Variants in MTDH observed in about 807,000 individuals in gnomAD.
The protein encoded by MTDH is protein LYRIC.
MTDH carries 34 observed loss-of-function variants against 72.7 expected under a neutral mutation model. The observed-to-expected ratio is 0.47, with a 90% CI of 0.36 to 0.62. MTDH has a LOEUF of 0.62. MTDH is among the 20% of genes least tolerant of loss of function. The probability of loss-of-function intolerance (pLI) is 0.00; values close to 1 mark genes in which losing one functional copy is unlikely to be tolerated. For missense variants in MTDH, 677 were observed against 699.4 expected, an observed-to-expected ratio of 0.97 and a Z score of 0.36; for synonymous variants, 266 against 268.9, an observed-to-expected ratio of 0.99 and a Z score of 0.10.
chr8:97,669,336 C>T (rs765211675), intron 2 of MTDH, among the ~76,000 whole-genome samples: 1 of 151,236 alleles, frequency 6.6e-6, no homozygotes, highest in African/African-American at 2.4e-5. Context: ...TTAATAGAGA[C>T]GGGGTTTCAC....
intron 8 of MTDH, 25 bp downstream of exon 8, chr8:97,706,775 TTTATTTGTTAA>T: frequency 6.2e-7 from 1 of 1,603,160 alleles, no homozygotes; most frequent in Non-Finnish European, 8.5e-7. Context: ...TTCCTGGGTG[TTTATTTGTTAA>T]TGAAAGAGAC....
At chr8:97,706,424 T>C (rs1452972650) in intron 7 of MTDH, 1 of 331,074 alleles carries the variant, frequency 3.0e-6, no homozygotes, top group African/African-American at 2.1e-5. Context: ...AGAAATTCCA[T>C]TTAACCATAT....
In MTDH at chr8:97,669,301, C is replaced by T. The variant is rs191108056; in HGVS notation, c.483+8128C>T. Among the ~76,000 whole-genome samples, 27 of 152,064 alleles carry T rather than the reference C, an allele frequency of 1.8e-4. No individual in the cohort carries two copies. The East Asian group carries it at 5.3e-3, about 30-fold the overall frequency. On this transcript the variant is annotated intron_variant, in intron 2 of 11. Coordinates refer to ENST00000336273, the MANE Select transcript of MTDH (RefSeq NM_178812.4). ...AGTAGCTGGGATTACAGGCACCTGC[C>T]ACCACACCCAACTAATTTTTGTATT...
chr8:97,728,210 A>G lies in MTDH; in HGVS notation c.*3540A>G, dbSNP rs1815429797. On this transcript the variant is annotated 3_prime_UTR_variant, in exon 12 of 12. Coordinates refer to ENST00000336273, the MANE Select transcript of MTDH (RefSeq NM_178812.4). The stretch of plus-strand genomic sequence containing the variant: ...TTTCCAAAAGACTTAGGGAATGCAA[A>G]TATGTTACTCATAAGATGCATTGAG... 6.6e-6 allele frequency: 1 copy of G among 152,214 alleles called. No homozygotes were observed. The highest frequency in any genetic ancestry group is 2.4e-5 in the African/African-American group (1 of 41,456). 9.4% of individuals were successfully genotyped at this position (152,214 alleles called of 1,614,324 possible).
Position 97,650,261 on chromosome 8 carries a change from C to A in MTDH, c.381+5374C>A, listed in dbSNP as rs565295121. ...ATGAGCCACCAGGCCCGGCCAGTTTCTTTTCTTATTTTTATTTTTAAATTT... is the reference window on the plus strand; with the variant it reads ...ATGAGCCACCAGGCCCGGCCAGTTTATTTTCTTATTTTTATTTTTAAATTT... On this transcript the variant is annotated intron_variant, in intron 1 of 11. Transcript: ENST00000336273. 2.4e-4 allele frequency among the ~76,000 whole-genome samples: 36 copies of A among 151,818 alleles called. 1 individual carries two copies. In the South Asian group the frequency reaches 7.5e-3, roughly 32 times the overall value.
rs924580398 is a variant in MTDH, at chr8:97,700,328, TA to T, written c.1147+488del. On this transcript the variant is annotated intron_variant, in intron 7 of 11. Transcript: ENST00000336273. ...TCGGAAAGCTCATGCCGTCTTCATTTAAAAAAAAAAAATTATGAGTTTTTTT... is the reference window on the plus strand; with the variant it reads ...TCGGAAAGCTCATGCCGTCTTCATTTAAAAAAAAAAATTATGAGTTTTTTT... Among the ~76,000 whole-genome samples the T allele has an allele frequency of 8.9e-3, 1,314 of 147,604 alleles. 25 individuals are homozygous for T. The highest frequency in any genetic ancestry group is 0.028 in the African/African-American group (1,138 of 40,624).
At chr8:97,652,178 C>CT (rs1811799267) in intron 1 of MTDH, among the ~76,000 whole-genome samples, 4 of 152,172 alleles carry the variant, frequency 2.6e-5, no homozygotes, top group African/African-American at 7.2e-5. Context: ...AAAACCAACA[C>CT]TTAGTAGCTT....
rs1442970336 is a variant in MTDH at position 97,691,040 on chromosome 8, TGAG to T, written c.904_906del (p.Glu302del). Reference sequence around the variant, plus strand: ...AACTCTCCTCACAGATCAGTGCAGGTGAGGAGAAGTGGAACTCCGTTTCACCTG... The same window carrying T: ...AACTCTCCTCACAGATCAGTGCAGGTGAGAAGTGGAACTCCGTTTCACCTG... On this transcript the variant is annotated inframe_deletion, in exon 6 of 12. Coordinates refer to ENST00000336273, the MANE Select transcript of MTDH (RefSeq NM_178812.4). 1.2e-6 allele frequency: 2 copies of T among 1,614,054 alleles called. No individual in the cohort carries two copies. The highest frequency in any genetic ancestry group is 1.7e-5 in the Admixed American group (1 of 60,002).
At chr8:97,684,091 C>T (rs948781551) in intron 2 of MTDH, among the ~76,000 whole-genome samples, 2 of 147,722 alleles carry the variant, frequency 1.4e-5, no homozygotes, top group African/African-American at 2.5e-5. Context: ...GAACTGAGAT[C>T]GCGCCATTGC....
At chr8:97,662,678 C>T (rs1394292390) in intron 2 of MTDH, among the ~76,000 whole-genome samples, 2 of 151,320 alleles carry the variant, frequency 1.3e-5, no homozygotes, top group African/African-American at 4.9e-5. Flanking sequence ...CCCAGCTACT[C>T]GGGAGGCTGA....
chr8:97,728,262 G>T lies in MTDH; in HGVS notation c.*3592G>T, dbSNP rs951732619. 1 of 152,084 alleles carries T rather than the reference G, an allele frequency of 6.6e-6. No individual in the cohort carries two copies. Among genetic ancestry groups the T allele is most frequent in the East Asian group, 1.9e-4 (1 of 5,188 alleles). The allele number at this position is 152,084 out of a possible 1,614,324, so 9.4% of individuals were successfully genotyped here. A position where few individuals can be genotyped will look rare whatever the true frequency, so the allele number is the denominator to read the frequency against. ...ATTGTAAATAAAACAAACCATTTTT[G>T]ATTTGTTTAAATTGCTCGTTACAGT... On this transcript the variant is annotated 3_prime_UTR_variant, in exon 12 of 12. Transcript: ENST00000336273.
At chr8:97,678,479 ACT>A (rs1168641247) in intron 2 of MTDH, among the ~76,000 whole-genome samples, 1 of 151,832 alleles carries the variant, frequency 6.6e-6, no homozygotes, top group Non-Finnish European at 1.5e-5. Context: ...GGATTCATTG[ACT>A]CTATTATAGC....
In MTDH at chr8:97,687,605, G is replaced by T; in HGVS notation, c.745G>T (p.Gly249Cys). ...SFPVGSKKNK[G>C]DSHLNVQVSN... ...TCCTGTTGGTTCCAAGAAGAATAAA[G>T]GTATATTAGTGGAACATAAGACAGT... Residue 249 changes from glycine to cysteine, a missense_variant and splice_region_variant, in exon 4 of 12, where the codon GGT becomes TGT. This residue lies in a region of MTDH where 467 missense variants were observed against 469.1 expected (regional missense o/e 1.00). Coordinates refer to ENST00000336273, the MANE Select transcript of MTDH (RefSeq NM_178812.4). The T allele has an allele frequency of 6.3e-7, 1 of 1,594,616 alleles. No individual in the cohort carries two copies. Among genetic ancestry groups the T allele is most frequent in the Non-Finnish European group, 8.5e-7 (1 of 1,170,886 alleles).
chr8:97,702,745 G>A (rs1285267627), intron 7 of MTDH, among the ~76,000 whole-genome samples: 1 of 152,136 alleles, frequency 6.6e-6, no homozygotes, highest in African/African-American at 2.4e-5. Flanking sequence ...TAAATGGAGA[G>A]ACAAATTCTT....
intron 2 of MTDH, among the ~76,000 whole-genome samples, chr8:97,681,300 C>T (rs993878445): frequency 3.9e-5 from 6 of 151,930 alleles, no homozygotes; most frequent in Non-Finnish European, 8.8e-5. Flanking sequence ...GAATCAAATG[C>T]TCATATGTAT....
intron 6 of MTDH, among the ~76,000 whole-genome samples, chr8:97,697,142 A>ATTTT (rs1563554116): frequency 2.6e-5 from 2 of 76,884 alleles, no homozygotes; most frequent in African/African-American, 9.5e-5. Context: ...ATATATATAT[A>ATTTT]TATATATATT....
rs1397552299 is a variant in MTDH at position 97,728,001 on chromosome 8, C to T, written c.*3331C>T. Reference sequence around the variant, plus strand: ...TAGTGGTCTTATTTCATAGGCTAATCTGGTTTATATTTGCATTAAAGATAC... The same window carrying T: ...TAGTGGTCTTATTTCATAGGCTAATTTGGTTTATATTTGCATTAAAGATAC... On this transcript the variant is annotated 3_prime_UTR_variant, in exon 12 of 12. Transcript: ENST00000336273. 3.9e-5 allele frequency: 6 copies of T among 151,982 alleles called. No individual in the cohort carries two copies. Among genetic ancestry groups the T allele is most frequent in the Non-Finnish European group, 7.4e-5 (5 of 67,996 alleles). 9.4% of individuals were successfully genotyped at this position (151,982 alleles called of 1,614,324 possible).
At position 97,689,037 on chromosome 8, in the gene MTDH, G is replaced by A; in HGVS notation, c.746-1G>A. The A allele has an allele frequency of 6.5e-6, 10 of 1,529,328 alleles. No homozygotes were observed. The highest frequency in any genetic ancestry group is 8.1e-6 in the Non-Finnish European group (9 of 1,113,878). The allele number at this position is 1,529,328 out of a possible 1,614,324, so 94.7% of individuals were successfully genotyped here. On this transcript the variant is annotated splice_acceptor_variant, in intron 4 of 11. Coordinates refer to ENST00000336273, the MANE Select transcript of MTDH (RefSeq NM_178812.4). LOFTEE classifies it high-confidence loss of function. ...ATAAATTTTATTTCTATTTTAACCA[G>A]GTGATTCTCATCTAAATGTTCAAGT... is the stretch of plus-strand genomic sequence containing the variant.
At chr8:97,696,776 T>A (rs1002841397) in intron 6 of MTDH, among the ~76,000 whole-genome samples, 1 of 152,124 alleles carries the variant, frequency 6.6e-6, no homozygotes, top group Non-Finnish European at 1.5e-5. Context: ...TAAATGGATA[T>A]ATGTTTTATT....
Sources: allele counts gnomAD v4.1 joint callset (sites outside exome capture counted in the v4.1 genomes callset), GRCh38; gene constraint gnomAD v4.1.1; regional missense constraint gnomAD v4.1.1; transcripts MANE v1.5; gene names NCBI Gene and HGNC (gene_info 2026-07-23, HGNC 2026-07-21).